Variants in IL1RAPL2 observed in about 807,000 individuals in gnomAD.
IL1RAPL2 encodes interleukin 1 receptor accessory protein like 2, also known as X-linked interleukin-1 receptor accessory protein-like 2.
IL1RAPL2 carries 3 observed loss-of-function variants against 44.1 expected under a neutral mutation model. The observed-to-expected ratio is 0.07, with a 90% CI of 0.03 to 0.18. The LOEUF (loss-of-function observed/expected upper bound fraction) is 0.18. Ranked by LOEUF, IL1RAPL2 falls within the 10% of genes least tolerant of loss-of-function variation. The pLI is 1.00. For synonymous variants in IL1RAPL2, 181 were observed against 178.8 expected (o/e 1.01, Z -0.10); for missense variants, 391 against 496.4 (o/e 0.79, Z 2.02).
intron 2 of IL1RAPL2, among the ~76,000 whole-genome samples, chrX:105,177,767 T>C (rs1216704023): frequency 8.9e-6 from 1 of 112,078 alleles, no homozygotes; most frequent in African/African-American, 3.2e-5. Flanking sequence ...ATGTTTATGT[T>C]TATAATATTT....
At chrX:104,615,325 C>A (rs1327508352) in intron 1 of IL1RAPL2, among the ~76,000 whole-genome samples, 1 of 111,044 alleles carries the variant, frequency 9.0e-6, no homozygotes, top group Non-Finnish European at 1.9e-5. Flanking sequence ...AACCCATCAC[C>A]TAGGTATTAA....
chrX:105,431,803 GGT>G (rs1472392509), intron 5 of IL1RAPL2, among the ~76,000 whole-genome samples: 2 of 111,361 alleles, frequency 1.8e-5, no homozygotes, highest in Non-Finnish European at 3.8e-5. Flanking sequence ...AATAAAGAGG[GGT>G]TATAAGTGAA....
chrX:105,196,279 C>T (rs1603002513), intron 3 of IL1RAPL2, among the ~76,000 whole-genome samples: 1 of 110,580 alleles, frequency 9.0e-6, no homozygotes, highest in East Asian at 2.9e-4. Flanking sequence ...AAGACTCCAT[C>T]TCAAAAAAGA....
At chrX:105,002,190 A>G (rs141684141) in intron 2 of IL1RAPL2, among the ~76,000 whole-genome samples, 2 of 111,238 alleles carry the variant, frequency 1.8e-5, no homozygotes, top group Admixed American at 1.9e-4. Context: ...GAGCCCTTCT[A>G]TATCTGAACT....
chrX:105,172,535 C>G lies in IL1RAPL2; in HGVS notation c.83-22940C>G, dbSNP rs570400873. Among the ~76,000 whole-genome samples the G allele has an allele frequency of 3.0e-3, 330 of 111,553 alleles. 1 individual carries two copies. The South Asian group carries it at 0.031, about 10-fold the overall frequency. On this transcript the variant is annotated intron_variant, in intron 2 of 10. Transcript: ENST00000372582. ...CTGGCTGTTAGCCAGGAGCTATGCT[C>G]TATTCCTAGTTGAGTTTGCTGGCAT...
At chrX:105,129,796 C>G (rs1445802439) in intron 2 of IL1RAPL2, among the ~76,000 whole-genome samples, 1 of 109,681 alleles carries the variant, frequency 9.1e-6, no homozygotes, top group Non-Finnish European at 1.9e-5. Context: ...CACCAAAGCC[C>G]AGTTCATTAA....
At chrX:105,427,900 G>GT (rs1283498247) in intron 5 of IL1RAPL2, among the ~76,000 whole-genome samples, 1 of 111,688 alleles carries the variant, frequency 9.0e-6, no homozygotes, top group Non-Finnish European at 1.9e-5. Context: ...ACAATTCATT[G>GT]TAACTAGATG....
At chrX:105,057,093 C>A (rs1168066201) in intron 2 of IL1RAPL2, among the ~76,000 whole-genome samples, 1 of 105,468 alleles carries the variant, frequency 9.5e-6, no homozygotes, top group African/African-American at 3.5e-5. Flanking sequence ...ACTCAATTTG[C>A]CTGGGCCATT....
intron 2 of IL1RAPL2, among the ~76,000 whole-genome samples, chrX:105,023,840 T>C (rs1025131013): frequency 6.3e-5 from 7 of 111,582 alleles, no homozygotes; most frequent in African/African-American, 2.3e-4. Context: ...TATTTTACTC[T>C]TATCGGGGCA....
chrX:104,972,023 C>T (rs113081274), intron 2 of IL1RAPL2, among the ~76,000 whole-genome samples: 33 of 111,691 alleles, frequency 3.0e-4, no homozygotes, highest in African/African-American at 9.1e-4. Flanking sequence ...AGGCACACAT[C>T]GAGGCCTTAC....
At chrX:104,978,864 C>T (rs1193667599) in intron 2 of IL1RAPL2, among the ~76,000 whole-genome samples, 1 of 110,901 alleles carries the variant, frequency 9.0e-6, no homozygotes, top group Non-Finnish European at 1.9e-5. Flanking sequence ...AGATGAAAAA[C>T]CATTAACTCT....
chrX:105,273,345 G>A (rs748153322), intron 5 of IL1RAPL2, among the ~76,000 whole-genome samples: 3 of 110,799 alleles, frequency 2.7e-5, no homozygotes, highest in Admixed American at 1.9e-4. Context: ...CACCCTCCCC[G>A]GAGGCTAGCC....
At chrX:104,585,314 TATATATTATATATA>T (rs1928513144) in intron 1 of IL1RAPL2, among the ~76,000 whole-genome samples, 3 of 20,685 alleles carry the variant, frequency 1.5e-4, no homozygotes, top group Non-Finnish European at 2.1e-4. Context: ...TATTATATAA[TATATATTATATATA>T]ATATATATTA....
intron 5 of IL1RAPL2, among the ~76,000 whole-genome samples, chrX:105,387,179 G>A (rs2035482517): frequency 9.3e-6 from 1 of 107,725 alleles, no homozygotes; most frequent in Admixed American, 1.0e-4. Flanking sequence ...TTTTGGACCT[G>A]TAATAAGATA....
At chrX:105,646,148 G>A (rs12388560) in intron 6 of IL1RAPL2, among the ~76,000 whole-genome samples, 35,321 of 110,408 alleles carry the variant, frequency 0.32, 4,272 homozygotes, top group Middle Eastern at 0.41. Flanking sequence ...GCACTCCAGG[G>A]TAAAGGCAGG....
chrX:105,374,808 C>T (rs951579802), intron 5 of IL1RAPL2, among the ~76,000 whole-genome samples: 2 of 108,170 alleles, frequency 1.8e-5, no homozygotes, highest in Admixed American at 1.0e-4. Context: ...ATTAGCCGGG[C>T]GCGGTGGTGG....
At chrX:105,328,940 G>T (rs2034963476) in intron 5 of IL1RAPL2, among the ~76,000 whole-genome samples, 1 of 112,173 alleles carries the variant, frequency 8.9e-6, no homozygotes, top group Non-Finnish European at 1.9e-5. Flanking sequence ...TTTACACAAT[G>T]ACAGAATTTC....
intron 2 of IL1RAPL2, among the ~76,000 whole-genome samples, chrX:104,845,809 T>G (rs931350703): frequency 1.8e-5 from 2 of 112,029 alleles, no homozygotes; most frequent in Non-Finnish European, 3.8e-5. Flanking sequence ...TCTGAAAGAC[T>G]TACTCATTGA....
At chrX:104,911,608 C>T (rs1280840629) in intron 2 of IL1RAPL2, among the ~76,000 whole-genome samples, 5 of 111,863 alleles carry the variant, frequency 4.5e-5, no homozygotes, top group African/African-American at 1.6e-4. Context: ...TCCACTCTTG[C>T]TCTTACTGCA....
Sources: allele counts gnomAD v4.1 joint callset (sites outside exome capture counted in the v4.1 genomes callset), GRCh38; gene constraint gnomAD v4.1.1; transcripts MANE v1.5; gene names NCBI Gene and HGNC (gene_info 2026-07-23, HGNC 2026-07-21).